CHN2: variants seen among roughly 807,000 people sequenced by gnomAD.
CHN2 encodes beta-chimaerin.
A neutral mutation model predicts 56.3 loss-of-function variants in CHN2; 35 were observed. That is an observed-to-expected ratio of 0.62 (90% CI 0.47 to 0.82). The LOEUF is 0.82. Ranked by LOEUF, CHN2 falls within the 40% of genes least tolerant of loss-of-function variation. CHN2 has a pLI of 0.00. For missense variants in CHN2, 491 were observed against 580.5 expected (o/e 0.85, Z 1.58); for synonymous variants, 210 against 212.8 (o/e 0.99, Z 0.12).
At chr7:29,156,991 A>G (rs1301099900) in intron 2 of CHN2, among the ~76,000 whole-genome samples, 6 of 152,164 alleles carry the variant, frequency 3.9e-5, no homozygotes, top group Admixed American at 2.6e-4. Flanking sequence ...TCTTTTTCAC[A>G]CATTGGTCCA....
chr7:29,440,613 A>AG (rs923690212), intron 6 of CHN2, among the ~76,000 whole-genome samples: 2 of 141,276 alleles, frequency 1.4e-5, no homozygotes, highest in Non-Finnish European at 3.1e-5. Context: ...TGAACCCAGG[A>AG]GGCAGAGGCT....
At chr7:29,152,928 C>T (rs1397011817) in intron 2 of CHN2, among the ~76,000 whole-genome samples, 1 of 152,222 alleles carries the variant, frequency 6.6e-6, no homozygotes, top group Non-Finnish European at 1.5e-5. Context: ...AAGCTTGCTT[C>T]CAGAGCCTGC....
At chr7:29,212,450 T>C in intron 1 of CHN2, 1 of 1,603,270 alleles carries the variant, frequency 6.2e-7, no homozygotes, top group South Asian at 1.1e-5. Context: ...ACACGGAGAC[T>C]GTCTCTCCTC....
chr7:29,404,291 A>G (rs960959900), intron 6 of CHN2, among the ~76,000 whole-genome samples: 2 of 152,150 alleles, frequency 1.3e-5, no homozygotes, highest in Non-Finnish European at 2.9e-5. Context: ...TAAAAAGTAT[A>G]CCCTACGAAT....
chr7:29,152,096 A>G (rs1211356171), intron 2 of CHN2, among the ~76,000 whole-genome samples: 1 of 152,202 alleles, frequency 6.6e-6, no homozygotes, highest in Non-Finnish European at 1.5e-5. Flanking sequence ...AAAGTGGGTT[A>G]TCTAGAAAAG....
intron 2 of CHN2, among the ~76,000 whole-genome samples, chr7:29,189,284 G>T (rs528499605): frequency 6.6e-6 from 1 of 152,066 alleles, no homozygotes; most frequent in East Asian, 1.9e-4. Context: ...CCCAGGCCTC[G>T]TATACTCCCT....
At chr7:29,405,303 G>C (rs1405191370) in intron 6 of CHN2, among the ~76,000 whole-genome samples, 1 of 151,634 alleles carries the variant, frequency 6.6e-6, no homozygotes, top group Admixed American at 6.6e-5. Context: ...TTCTCCATGG[G>C]GTCTTTAACG....
At chr7:29,147,083 T>A in intron 2 of CHN2, 1 of 1,307,586 alleles carries the variant, frequency 7.6e-7, no homozygotes, top group Non-Finnish European at 1.0e-6. Flanking sequence ...GGACACAAAC[T>A]AAGTGAGGTT....
At chr7:29,212,440 A>C in intron 1 of CHN2, 1 of 1,607,052 alleles carries the variant, frequency 6.2e-7, no homozygotes, top group African/African-American at 1.3e-5. Context: ...GAGATGCCTC[A>C]CACGGAGACT....
chr7:29,409,628 T>C (rs892626406), intron 6 of CHN2, among the ~76,000 whole-genome samples: 5 of 152,222 alleles, frequency 3.3e-5, no homozygotes, highest in Admixed American at 3.3e-4. Context: ...AGTGTTCTTA[T>C]AGCCTTTTCA....
At position 29,333,359 on chromosome 7, in the gene CHN2, T is replaced by C. The variant is rs1249560225; in HGVS notation, c.50-21266T>C. Among the ~76,000 whole-genome samples, 3 of 152,256 alleles carry C rather than the reference T, an allele frequency of 2.0e-5. No individual in the cohort carries two copies. In the East Asian group the frequency reaches 5.8e-4, roughly 29 times the overall value. On this transcript the variant is annotated intron_variant, in intron 1 of 12. Coordinates refer to ENST00000222792, the MANE Select transcript of CHN2 (RefSeq NM_004067.4). Reference sequence around the variant, plus strand: ...ATGCCGGGGCTGCTGTTGAAAGATGTCTCAGAGCCCTGCTCAGAGTCTTGT... The same window carrying C: ...ATGCCGGGGCTGCTGTTGAAAGATGCCTCAGAGCCCTGCTCAGAGTCTTGT...
At chr7:29,169,609 T>A (rs920205841) in intron 2 of CHN2, among the ~76,000 whole-genome samples, 1 of 152,114 alleles carries the variant, frequency 6.6e-6, no homozygotes, top group African/African-American at 2.4e-5. Context: ...GACCATTGGC[T>A]TTTTCTACCT....
chr7:29,239,410 G>A (rs1787472616), intron 1 of CHN2, among the ~76,000 whole-genome samples: 1 of 152,182 alleles, frequency 6.6e-6, no homozygotes, highest in Admixed American at 6.5e-5. Flanking sequence ...GACATGTTCA[G>A]TTTGATATGC....
chr7:29,332,542 G>T lies in CHN2; in HGVS notation c.50-22083G>T, dbSNP rs1460141283. 2.6e-5 allele frequency among the ~76,000 whole-genome samples: 4 copies of T among 151,846 alleles called. No homozygotes were observed. The East Asian group carries it at 7.8e-4, about 30-fold the overall frequency. On this transcript the variant is annotated intron_variant, in intron 1 of 12. Transcript: ENST00000222792. ...AAATGCTCTCTCGCAATGCTGGGCA[G>T]TGGCAGTAAGCCACAGTTCCCCGTC... is the stretch of plus-strand genomic sequence containing the variant.
chr7:29,445,184 C>A, intron 6 of CHN2: 1 of 455,658 alleles, frequency 2.2e-6, no homozygotes, highest in South Asian at 1.6e-5. Flanking sequence ...TAGTGTGGAG[C>A]CCAGACCCAC....
chr7:29,244,191 C>A (rs1377771011), intron 1 of CHN2, among the ~76,000 whole-genome samples: 2 of 152,120 alleles, frequency 1.3e-5, no homozygotes, highest in East Asian at 3.9e-4. Context: ...CTGTCATTTC[C>A]GAGTCTGGGA....
At chr7:29,323,345 A>C (rs1376662321) in intron 1 of CHN2, among the ~76,000 whole-genome samples, 1 of 152,068 alleles carries the variant, frequency 6.6e-6, no homozygotes, top group African/African-American at 2.4e-5. Context: ...GAGGTTTTGA[A>C]TCCTCTCCTC....
intron 3 of CHN2, among the ~76,000 whole-genome samples, chr7:29,376,069 C>T (rs1176572829): frequency 6.6e-6 from 1 of 152,210 alleles, no homozygotes; most frequent in Non-Finnish European, 1.5e-5. Context: ...CAACCAAGCA[C>T]TGAGAGGCTT....
intron 1 of CHN2, among the ~76,000 whole-genome samples, chr7:29,244,264 A>G (rs956178736): frequency 3.9e-5 from 6 of 152,326 alleles, no homozygotes; most frequent in African/African-American, 1.4e-4. Context: ...GAGAACAGAT[A>G]GAGGTGGCCC....
Sources: allele counts gnomAD v4.1 joint callset (sites outside exome capture counted in the v4.1 genomes callset), GRCh38; gene constraint gnomAD v4.1.1; transcripts MANE v1.5; gene names NCBI Gene and HGNC (gene_info 2026-07-23, HGNC 2026-07-21).